NEUROD6: variants seen among roughly 807,000 people sequenced by gnomAD.
The protein encoded by NEUROD6 is neuronal differentiation 6.
A neutral mutation model predicts 24.1 loss-of-function variants in NEUROD6; 5 were observed. The observed-to-expected ratio is 0.21, with a 90% CI of 0.11 to 0.44. The LOEUF is 0.44. Ranked by LOEUF, NEUROD6 falls within the 20% of genes least tolerant of loss-of-function variation. The probability of loss-of-function intolerance (pLI) is 0.99; values close to 1 mark genes in which losing one functional copy is unlikely to be tolerated. For synonymous variants in NEUROD6, 182 were observed against 154.1 expected, an observed-to-expected ratio of 1.18 and a Z score of -1.34; for missense variants, 325 against 409.5, an observed-to-expected ratio of 0.79 and a Z score of 1.78.
rs1478275880 is a variant in NEUROD6 at position 31,337,808 on chromosome 7, C to T, written c.*447G>A. Reference sequence around the variant, plus strand: ...TGATATTCTCCATATTTTAAAATTTCAATTTTTAAAAGATACATAATATAT... The same window carrying T: ...TGATATTCTCCATATTTTAAAATTTTAATTTTTAAAAGATACATAATATAT... On this transcript the variant is annotated 3_prime_UTR_variant, in exon 2 of 2. Transcript: ENST00000297142. The T allele has an allele frequency of 6.5e-6, 1 of 153,342 alleles. No individual in the cohort carries two copies. The highest frequency in any genetic ancestry group is 6.5e-5 in the Admixed American group (1 of 15,406). 9.5% of individuals were successfully genotyped at this position (153,342 alleles called of 1,614,324 possible). A position where few individuals can be genotyped will look rare whatever the true frequency, so the allele number is the denominator to read the frequency against.
Position 31,338,283 on chromosome 7 carries a change from T to C in NEUROD6, c.986A>G (p.Asp329Gly). Residue 329 changes from aspartate to glycine, a missense_variant, in exon 2 of 2, where the codon GAT (aspartate) becomes GGT (glycine). Asp to Gly is a moderately conservative substitution (Grantham distance 94). Coordinates refer to ENST00000297142, the MANE Select transcript of NEUROD6 (RefSeq NM_022728.4). This position sits in a 1 kb window ranked among gnomAD's most constrained non-coding sequence, Gnocchi z 5.1. ...ATTATGAAAAACTGCATTTAATTCATCTTGCATTGTGAGAGATTGGCTGCG... is the reference window on the plus strand; with the variant it reads ...ATTATGAAAAACTGCATTTAATTCACCTTGCATTGTGAGAGATTGGCTGCG... ...HLRSQSLTMQ[D>G]ELNAVFHN 1 of 1,613,902 alleles carries C rather than the reference T, an allele frequency of 6.2e-7. No homozygotes were observed. The highest frequency in any genetic ancestry group is 8.5e-7 in the Non-Finnish European group (1 of 1,179,816).
In NEUROD6 at chr7:31,338,552, C is replaced by G. The variant is rs774795823; in HGVS notation, c.717G>C (p.Ala239=). 3 of 1,614,096 alleles carry G rather than the reference C, an allele frequency of 1.9e-6. No homozygotes were observed. The East Asian group carries it at 6.7e-5, about 36-fold the overall frequency. ...KSMKPYNYCS[A]YESFYESTSP... Reference sequence around the variant, plus strand: ...AAGTACTTTCATAGAAGGATTCATACGCACTGCAATAATTGTAGGGTTTCA... The same window carrying G: ...AAGTACTTTCATAGAAGGATTCATAGGCACTGCAATAATTGTAGGGTTTCA... The change falls in exon 2 of 2, where the codon GCG becomes GCC. Residue 239 remains alanine, a synonymous_variant. Transcript: ENST00000297142. The surrounding 1 kb of genome is among the most constrained non-coding windows in gnomAD (Gnocchi z 5.1).
rs1783094234 is a variant in NEUROD6 at position 31,338,705 on chromosome 7, G to A, written c.564C>T (p.Phe188=). 1 of 1,614,092 alleles carries A rather than the reference G, an allele frequency of 6.2e-7. No individual in the cohort carries two copies. The highest frequency in any genetic ancestry group is 1.7e-5 in the Admixed American group (1 of 60,012). Residue 188 remains phenylalanine (F), a synonymous_variant, in exon 2 of 2, where the codon TTC becomes TTT. Transcript: ENST00000297142. This position sits in a 1 kb window ranked among gnomAD's most constrained non-coding sequence, Gnocchi z 5.1. ...CAGCCTCCCCACCCTGACCCATCAG[G>A]AAACTCCTGGCGTTGAGCTGCAAGC... ...AGCLQLNARS[F]LMGQGGEAAH...
At position 31,338,524 on chromosome 7, in the gene NEUROD6, G is replaced by A. The variant is rs150939708; in HGVS notation, c.745C>T (p.Pro249Ser). Residue 249 changes from proline (P) to serine (S), a missense_variant, in exon 2 of 2, where the codon CCT (proline) becomes TCT (serine). Coordinates refer to ENST00000297142, the MANE Select transcript of NEUROD6 (RefSeq NM_022728.4). The surrounding 1 kb of genome is among the most constrained non-coding windows in gnomAD (Gnocchi z 5.1). ...TCAAACTGAGGGCTGGCACACTCAG[G>A]GGAAGTACTTTCATAGAAGGATTCA... is the stretch of plus-strand genomic sequence containing the variant. Reference protein sequence around the residue: ...AYESFYESTSPECASPQFEGP... With the variant: ...AYESFYESTSSECASPQFEGP... The A allele has an allele frequency of 6.2e-7, 1 of 1,613,982 alleles. No individual in the cohort carries two copies. Among genetic ancestry groups the A allele is most frequent in the South Asian group, 1.1e-5 (1 of 91,086 alleles).
chr7:31,338,945 G>A lies in NEUROD6; in HGVS notation c.324C>T (p.His108=), dbSNP rs148251003. 17 of 1,613,902 alleles carry A rather than the reference G, an allele frequency of 1.1e-5. No homozygotes were observed. The highest frequency in any genetic ancestry group is 1.7e-5 in the Admixed American group (1 of 60,002). Reference sequence around the variant, plus strand: ...AGTTGTCCAGAGCGTCGTTGAGGCCGTGCATCCTGTTCCTCTCGCGCGCGT... The same window carrying A: ...AGTTGTCCAGAGCGTCGTTGAGGCCATGCATCCTGTTCCTCTCGCGCGCGT... ...EANARERNRM[H]GLNDALDNLR... is the part of the protein sequence containing the mutation. The change falls in exon 2 of 2, where the codon CAC becomes CAT. Residue 108 remains histidine, a synonymous_variant. Coordinates refer to ENST00000297142, the MANE Select transcript of NEUROD6 (RefSeq NM_022728.4). The surrounding 1 kb of genome is among the most constrained non-coding windows in gnomAD (Gnocchi z 5.1).
At position 31,339,010 on chromosome 7, in the gene NEUROD6, G is replaced by T; in HGVS notation, c.259C>A (p.Leu87Met). 6.2e-7 allele frequency: 1 copy of T among 1,614,000 alleles called. No individual in the cohort carries two copies. Among genetic ancestry groups the T allele is most frequent in the Non-Finnish European group, 8.5e-7 (1 of 1,180,014 alleles). ...CTGAACTTGACCCTTTCCAATCGCA[G>T]CTTTGTTGTCTTTTTTTTCCTAAGA... ...RGLRKKKTTK[L>M]RLERVKFRRQ... Residue 87 changes from leucine to methionine, a missense_variant, in exon 2 of 2, where the codon CTG (leucine) becomes ATG (methionine). Leu to Met is a conservative substitution (Grantham distance 15). Coordinates refer to ENST00000297142, the MANE Select transcript of NEUROD6 (RefSeq NM_022728.4).
rs1009184945 is a variant in NEUROD6 at position 31,337,688 on chromosome 7, A to G, written c.*567T>C. 2.0e-5 allele frequency: 3 copies of G among 152,678 alleles called. No individual in the cohort carries two copies. The highest frequency in any genetic ancestry group is 7.2e-5 in the African/African-American group (3 of 41,454). The allele number at this position is 152,678 out of a possible 1,614,324, so 9.5% of individuals were successfully genotyped here. ...AAATACTTGAAGAGGAATAGTTACC[A>G]ATTGAATGCATTTAGATTCATCCTT... On this transcript the variant is annotated 3_prime_UTR_variant, in exon 2 of 2. Transcript: ENST00000297142.
intron 1 of NEUROD6, among the ~76,000 whole-genome samples, 175 bp downstream of exon 1, chr7:31,340,418 A>G (rs1783110105): frequency 6.6e-6 from 1 of 152,202 alleles, no homozygotes; most frequent in Non-Finnish European, 1.5e-5. Flanking sequence ...ATGTCCACAT[A>G]CTTGCAGTGT....
chr7:31,338,303 G>A lies in NEUROD6; in HGVS notation c.966C>T (p.Ser322=), dbSNP rs1783088879. 1.2e-6 allele frequency: 2 copies of A among 1,613,892 alleles called. No homozygotes were observed. ...ATTCATCTTGCATTGTGAGAGATTGGCTGCGCAGATGTAAGTCGTAAGGGA... is the reference window on the plus strand; with the variant it reads ...ATTCATCTTGCATTGTGAGAGATTGACTGCGCAGATGTAAGTCGTAAGGGA... ...SHFPYDLHLR[S]QSLTMQDELN... Residue 322 remains serine (S), a synonymous_variant, in exon 2 of 2, where the codon AGC becomes AGT. Coordinates refer to ENST00000297142, the MANE Select transcript of NEUROD6 (RefSeq NM_022728.4). This position sits in a 1 kb window ranked among gnomAD's most constrained non-coding sequence, Gnocchi z 5.1.
At chr7:31,339,371 T>A (rs569141610) in intron 1 of NEUROD6, 82 bp from the exon 2 acceptor site, 3 of 1,127,016 alleles carry the variant, frequency 2.7e-6, no homozygotes, top group East Asian at 5.5e-5. Context: ...TATTTAATCA[T>A]AAGATTACAA....
rs369737717 is a variant in NEUROD6, at chr7:31,338,604, T to C, written c.665A>G (p.His222Arg). Residue 222 changes from histidine to arginine, a missense_variant, in exon 2 of 2, where the codon CAT (histidine) becomes CGT (arginine). His to Arg is a conservative substitution (Grantham distance 29). Coordinates refer to ENST00000297142, the MANE Select transcript of NEUROD6 (RefSeq NM_022728.4). The surrounding 1 kb of genome is among the most constrained non-coding windows in gnomAD (Gnocchi z 5.1). The stretch of plus-strand genomic sequence containing the variant: ...GGACTTGGAATTATCAAGAGTCCCA[T>C]GCCCTGGGGGAGTGGTGAGCTCAGG... ...HSPELTTPPG[H>R]GTLDNSKSMK... 1.5e-5 allele frequency: 24 copies of C among 1,613,862 alleles called. No homozygotes were observed. The highest frequency in any genetic ancestry group is 2.0e-5 in the Non-Finnish European group (24 of 1,179,920).
Position 31,338,785 on chromosome 7 carries a change from C to T in NEUROD6, c.484G>A (p.Val162Ile), listed in dbSNP as rs200015387. 8.3e-5 allele frequency: 134 copies of T among 1,613,916 alleles called. No homozygotes were observed. The highest frequency in any genetic ancestry group is 1.0e-4 in the Admixed American group (6 of 59,982). Residue 162 changes from valine to isoleucine, a missense_variant, in exon 2 of 2, where the codon GTC becomes ATC. Around this residue, in one of 3 missense-constraint regions of NEUROD6, gnomAD observed 41 missense variants for 100.9 expected, o/e 0.41. Coordinates refer to ENST00000297142, the MANE Select transcript of NEUROD6 (RefSeq NM_022728.4). The surrounding 1 kb of genome is among the most constrained non-coding windows in gnomAD (Gnocchi z 5.1). ...GAAAGACCTTTGCATAAGTTTTGGA[C>T]GAATGTGAGCAGATCTGGTCTCTTG... ...IGKRPDLLTFVQNLCKGLSQP... is the reference protein window; with the variant it reads ...IGKRPDLLTFIQNLCKGLSQP...
rs759697977 is a variant in NEUROD6, at chr7:31,339,014, T to C, written c.255A>G (p.Thr85=). 6 of 1,614,112 alleles carry C rather than the reference T, an allele frequency of 3.7e-6. No individual in the cohort carries two copies. In the South Asian group the frequency reaches 6.6e-5, roughly 18 times the overall value. ...ACTTGACCCTTTCCAATCGCAGCTTTGTTGTCTTTTTTTTCCTAAGACCCC... is the reference window on the plus strand; with the variant it reads ...ACTTGACCCTTTCCAATCGCAGCTTCGTTGTCTTTTTTTTCCTAAGACCCC... The part of the protein sequence containing the change: ...RRRGLRKKKT[T]KLRLERVKFR... The change falls in exon 2 of 2, where the codon ACA becomes ACG. Residue 85 remains threonine (T), a synonymous_variant. Coordinates refer to ENST00000297142, the MANE Select transcript of NEUROD6 (RefSeq NM_022728.4).
In NEUROD6 at chr7:31,338,939, G is replaced by A; in HGVS notation, c.330C>T (p.Leu110=). The A allele has an allele frequency of 1.2e-6, 2 of 1,613,970 alleles. No individual in the cohort carries two copies. The highest frequency in any genetic ancestry group is 1.7e-6 in the Non-Finnish European group (2 of 1,180,012). ...NARERNRMHG[L]NDALDNLRKV... is the part of the protein sequence containing the mutation. ...TTCTTAAGTTGTCCAGAGCGTCGTT[G>A]AGGCCGTGCATCCTGTTCCTCTCGC... Residue 110 remains leucine (L), a synonymous_variant, in exon 2 of 2, where the codon CTC becomes CTT. Coordinates refer to ENST00000297142, the MANE Select transcript of NEUROD6 (RefSeq NM_022728.4). The surrounding 1 kb of genome is among the most constrained non-coding windows in gnomAD (Gnocchi z 5.1).
rs1276828459 is a variant in NEUROD6, at chr7:31,337,715, A to C, written c.*540T>G. On this transcript the variant is annotated 3_prime_UTR_variant, in exon 2 of 2. Transcript: ENST00000297142. ...TTGAATGCATTTAGATTCATCCTTA[A>C]TAAAAAGAAAATTGCATAGCTTTTT... 6.5e-6 allele frequency: 1 copy of C among 152,770 alleles called. No homozygotes were observed. Among genetic ancestry groups the C allele is most frequent in the Non-Finnish European group, 1.5e-5 (1 of 68,134 alleles). 9.5% of individuals were successfully genotyped at this position (152,770 alleles called of 1,614,324 possible). A position where few individuals can be genotyped will look rare whatever the true frequency, so the allele number is the denominator to read the frequency against.
chr7:31,338,177 TACTC>T lies in NEUROD6; in HGVS notation c.*74_*77del, dbSNP rs1287433022. The T allele has an allele frequency of 1.1e-5, 13 of 1,195,320 alleles. No homozygotes were observed. In the East Asian group the frequency reaches 2.2e-4, roughly 20 times the overall value. The allele number at this position is 1,195,320 out of a possible 1,614,324, so 74.0% of individuals were successfully genotyped here. A position where few individuals can be genotyped will look rare whatever the true frequency, so the allele number is the denominator to read the frequency against. ...ACACCTTAGATAGAGTTGTGCCAAT[TACTC>T]AGCCCACAAGCATCTGCTTTGTCTT... is the stretch of plus-strand genomic sequence containing the variant. On this transcript the variant is annotated 3_prime_UTR_variant, in exon 2 of 2. Transcript: ENST00000297142. This position sits in a 1 kb window ranked among gnomAD's most constrained non-coding sequence, Gnocchi z 5.1.
rs774777268 is a variant in NEUROD6 at position 31,338,529 on chromosome 7, G to C, written c.740C>G (p.Thr247Ser). ...CSAYESFYESTSPECASPQFE... is the reference protein window; with the variant it reads ...CSAYESFYESSSPECASPQFE... ...CTGAGGGCTGGCACACTCAGGGGAA[G>C]TACTTTCATAGAAGGATTCATACGC... Residue 247 changes from threonine (T) to serine (S), a missense_variant, in exon 2 of 2, where the codon ACT becomes AGT. Thr to Ser is a moderately conservative substitution (Grantham distance 58). Coordinates refer to ENST00000297142, the MANE Select transcript of NEUROD6 (RefSeq NM_022728.4). This position sits in a 1 kb window ranked among gnomAD's most constrained non-coding sequence, Gnocchi z 5.1. 6.2e-7 allele frequency: 1 copy of C among 1,614,200 alleles called. No individual in the cohort carries two copies.
Position 31,339,238 on chromosome 7 carries a change from C to A in NEUROD6, c.31G>T (p.Val11Leu), listed in dbSNP as rs1331722417. MLTLPFDESV[V>L]MPESQMCRKF... is the part of the protein sequence containing the mutation. The stretch of plus-strand genomic sequence containing the variant: ...CTGCACATCTGGGATTCTGGCATTA[C>A]AACAGACTCATCAAACGGTAGTGTT... The change falls in exon 2 of 2, where the codon GTA becomes TTA. Residue 11 changes from valine to leucine, a missense_variant. Coordinates refer to ENST00000297142, the MANE Select transcript of NEUROD6 (RefSeq NM_022728.4). 5.6e-6 allele frequency: 9 copies of A among 1,612,718 alleles called. No individual in the cohort carries two copies. The highest frequency in any genetic ancestry group is 7.6e-6 in the Non-Finnish European group (9 of 1,179,580).
At chr7:31,339,352 A>G (rs1783100947) in intron 1 of NEUROD6, 63 bp from the exon 2 acceptor site, 3 of 1,233,042 alleles carry the variant, frequency 2.4e-6, no homozygotes, top group Admixed American at 2.6e-5. Flanking sequence ...CACTTAAAAC[A>G]TATTTAATTA....
Sources: gnomAD v4.1 joint callset for allele counts (sites outside exome capture counted in the v4.1 genomes callset) on GRCh38, gnomAD v4.1.1 for gene constraint, gnomAD v4.1.1 regional missense constraint, Gnocchi (gnomAD v3.1) non-coding constraint, MANE v1.5 for transcripts, NCBI Gene and HGNC (gene_info 2026-07-23, HGNC 2026-07-21) for gene names.